The following HIVEP3 variants were observed in gnomAD, a reference collection of about 807,000 sequenced individuals.
HIVEP3 encodes HIVEP zinc finger 3, also known as transcription factor HIVEP3.
In HIVEP3, 49 loss-of-function variants were observed where a neutral mutation model predicts 152.8. That is an observed-to-expected ratio of 0.32 (90% CI 0.26 to 0.41). The LOEUF (loss-of-function observed/expected upper bound fraction) is 0.41, where lower values mean the gene tolerates loss of function less well. HIVEP3 is among the 10% of genes least tolerant of loss of function. The pLI is 1.00. For synonymous variants in HIVEP3, 1,269 were observed against 1,289.0 expected (o/e 0.98, Z 0.33); for missense variants, 2,790 against 3,103.3 (o/e 0.90, Z 2.40).
At chr1:41,977,169 T>C (rs977792052) in intron 1 of HIVEP3, among the ~76,000 whole-genome samples, 1 of 152,052 alleles carries the variant, frequency 6.6e-6, no homozygotes, top group Non-Finnish European at 1.5e-5. Flanking sequence ...GTGAGTGGAC[T>C]AAGGTGGAGA....
At chr1:41,704,071 C>T (rs905357505) in intron 1 of HIVEP3, among the ~76,000 whole-genome samples, 1 of 152,230 alleles carries the variant, frequency 6.6e-6, no homozygotes, top group Admixed American at 6.5e-5. Context: ...GGAATACTCA[C>T]ACCTACCTTG....
intron 5 of HIVEP3, among the ~76,000 whole-genome samples, chr1:41,553,172 C>T (rs554805893): frequency 6.6e-6 from 1 of 152,322 alleles, no homozygotes; most frequent in East Asian, 1.9e-4. Flanking sequence ...CTTTATGAAT[C>T]TGGTTGCTCC....
At chr1:41,991,233 A>T (rs542304651) in intron 1 of HIVEP3, among the ~76,000 whole-genome samples, 136 of 151,994 alleles carry the variant, frequency 8.9e-4, no homozygotes, top group African/African-American at 3.2e-3. Context: ...TGAAAGGATC[A>T]ACAAAATAGA....
rs1207625466 is a variant in HIVEP3 at position 41,508,082 on chromosome 1, G to C, written c.*2369C>G. ...AACCTTGGGTGGGTAGGCTGTTTGA[G>C]TACAGGGAGAAAAATGCCCAGGAGA... is the stretch of plus-strand genomic sequence containing the variant. On this transcript the variant is annotated 3_prime_UTR_variant, in exon 9 of 9. Transcript: ENST00000372583. 1 of 152,364 alleles carries C rather than the reference G, an allele frequency of 6.6e-6. No homozygotes were observed. Among genetic ancestry groups the C allele is most frequent in the African/African-American group, 2.4e-5 (1 of 41,456 alleles). 9.4% of individuals were successfully genotyped at this position (152,364 alleles called of 1,614,324 possible).
intron 5 of HIVEP3, among the ~76,000 whole-genome samples, chr1:41,562,843 G>T (rs1420840857): frequency 6.6e-6 from 1 of 152,098 alleles, no homozygotes; most frequent in African/African-American, 2.4e-5. Flanking sequence ...TCTGCAGGTT[G>T]GGGTGGAGGG....
At chr1:41,771,552 G>A (rs1251386146) in intron 1 of HIVEP3, among the ~76,000 whole-genome samples, 4 of 152,108 alleles carry the variant, frequency 2.6e-5, no homozygotes, top group South Asian at 2.1e-4. Context: ...CTGGGCTGCC[G>A]CTGGCTGCTT....
At chr1:41,818,531 TA>T (rs1484651094) in intron 1 of HIVEP3, among the ~76,000 whole-genome samples, 1 of 152,136 alleles carries the variant, frequency 6.6e-6, no homozygotes, top group African/African-American at 2.4e-5. Flanking sequence ...CCAAGTGCTT[TA>T]GACTAGGGGT....
At position 41,646,354 on chromosome 1, in the gene HIVEP3, G is replaced by A. The variant is rs572546942; in HGVS notation, c.-720-17407C>T. On this transcript the variant is annotated intron_variant, in intron 2 of 8. Transcript: ENST00000372583. The stretch of plus-strand genomic sequence containing the variant: ...TTCAGATCCAGACCCTTCAGCATGC[G>A]GACACAGCCTGGCTCCCATGAGTGC... Among the ~76,000 whole-genome samples, 39 of 152,308 alleles carry A rather than the reference G, an allele frequency of 2.6e-4. 1 individual carries two copies. Among genetic ancestry groups the A allele is most frequent in the Admixed American group, 2.0e-3 (31 of 15,310 alleles).
At chr1:41,682,703 C>T (rs1173873698) in intron 2 of HIVEP3, among the ~76,000 whole-genome samples, 1 of 152,054 alleles carries the variant, frequency 6.6e-6, no homozygotes, top group East Asian at 1.9e-4. Flanking sequence ...GTGCAAACTC[C>T]CTTAGGCCTC....
chr1:41,767,664 G>A (rs575985511), intron 1 of HIVEP3, among the ~76,000 whole-genome samples: 32 of 152,272 alleles, frequency 2.1e-4, no homozygotes, highest in Middle Eastern at 6.8e-3. Context: ...CCAAATACCC[G>A]CGAACAAGCA....
At chr1:41,540,591 A>T (rs1028688496) in intron 5 of HIVEP3, among the ~76,000 whole-genome samples, 4 of 152,164 alleles carry the variant, frequency 2.6e-5, no homozygotes, top group East Asian at 1.9e-4. Flanking sequence ...CCCCAAGCAG[A>T]TCTGTTCCCC....
rs564150411 is a variant in HIVEP3 at position 41,764,864 on chromosome 1, C to G, written c.-800-63869G>C. On this transcript the variant is annotated intron_variant, in intron 1 of 8. Transcript: ENST00000372583. ...GAGGGTTCATGGCAGTGACGCTCTC[C>G]CTGGCTCGGCAGCCAGAGCCATCTC... 3.3e-4 allele frequency among the ~76,000 whole-genome samples: 51 copies of G among 152,302 alleles called. No homozygotes were observed. In the East Asian group the frequency reaches 9.9e-3, roughly 29 times the overall value.
chr1:41,770,194 C>T (rs1234516051), intron 1 of HIVEP3, among the ~76,000 whole-genome samples: 4 of 152,048 alleles, frequency 2.6e-5, no homozygotes, highest in South Asian at 2.1e-4. Flanking sequence ...AGGATGGTCT[C>T]GATCTCCTGA....
chr1:42,011,960 C>T (rs539286926), intron 1 of HIVEP3, among the ~76,000 whole-genome samples: 130 of 152,266 alleles, frequency 8.5e-4, no homozygotes, highest in African/African-American at 3.1e-3. Context: ...GGGCCTCATC[C>T]TGGGAAACAA....
intron 1 of HIVEP3, among the ~76,000 whole-genome samples, chr1:41,833,898 C>T (rs778172068): frequency 1.3e-5 from 2 of 152,172 alleles, no homozygotes; most frequent in Non-Finnish European, 2.9e-5. Flanking sequence ...GCCTGCTCAG[C>T]GTGGGAGCCT....
chr1:42,015,895 G>C (rs79054478), intron 1 of HIVEP3, among the ~76,000 whole-genome samples: 2 of 152,246 alleles, frequency 1.3e-5, no homozygotes, highest in Non-Finnish European at 2.9e-5. Context: ...CAATGGCTAC[G>C]TCTGCTTTCC....
chr1:42,000,869 C>A (rs1239246260), intron 1 of HIVEP3, among the ~76,000 whole-genome samples: 1 of 152,190 alleles, frequency 6.6e-6, no homozygotes, highest in Non-Finnish European at 1.5e-5. Flanking sequence ...TTGTGTCTTA[C>A]ATTAGCATAT....
At chr1:41,679,774 T>C (rs2124087905) in intron 2 of HIVEP3, among the ~76,000 whole-genome samples, 1 of 152,354 alleles carries the variant, frequency 6.6e-6, no homozygotes, top group South Asian at 2.1e-4. Context: ...CCCAGTTCCA[T>C]CTAGGGCTAG....
intron 5 of HIVEP3, among the ~76,000 whole-genome samples, chr1:41,528,757 TCA>T (rs759213585): frequency 2.9e-4 from 21 of 73,682 alleles, no homozygotes; most frequent in Admixed American, 1.3e-3. Flanking sequence ...TACTCCATCC[TCA>T]CACTCACCTT....
Sources: gnomAD v4.1 joint callset for allele counts (sites outside exome capture counted in the v4.1 genomes callset) on GRCh38, gnomAD v4.1.1 for gene constraint, MANE v1.5 for transcripts, NCBI Gene and HGNC (gene_info 2026-07-23, HGNC 2026-07-21) for gene names.